Variants in C5orf24 observed in about 807,000 individuals in gnomAD.
The protein encoded by C5orf24 is chromosome 5 open reading frame 24.
In C5orf24, 4 loss-of-function variants were observed where a neutral mutation model predicts 9.8. The observed-to-expected ratio is 0.41, with a 90% confidence interval of 0.20 to 0.93. The LOEUF (loss-of-function observed/expected upper bound fraction) is 0.93. Ranked by LOEUF, C5orf24 falls within the 40% of genes least tolerant of loss-of-function variation. The pLI is 0.33. For synonymous variants in C5orf24, 73 were observed against 81.3 expected (o/e 0.90, Z 0.55); for missense variants, 170 against 236.9 (o/e 0.72, Z 1.85).
At chr5:134,849,576 C>T (rs898155229) in intron 1 of C5orf24, among the ~76,000 whole-genome samples, 5 of 143,088 alleles carry the variant, frequency 3.5e-5, no homozygotes, top group Non-Finnish European at 6.0e-5. Flanking sequence ...GTACTGATTT[C>T]TTGGCAGTAG....
At chr5:134,854,623 T>C (rs1222446824) in intron 1 of C5orf24, among the ~76,000 whole-genome samples, 2 of 152,248 alleles carry the variant, frequency 1.3e-5, no homozygotes, top group Non-Finnish European at 2.9e-5. Flanking sequence ...TTACACACTT[T>C]TCTGGTTCCT....
chr5:134,856,393 C>A lies in C5orf24; in HGVS notation c.*926C>A, dbSNP rs1226338054. 1 of 878,782 alleles carries A rather than the reference C, an allele frequency of 1.1e-6. No individual in the cohort carries two copies. The highest frequency in any genetic ancestry group is 1.4e-6 in the Non-Finnish European group (1 of 719,896). 54.4% of individuals were successfully genotyped at this position (878,782 alleles called of 1,614,324 possible). A position where few individuals can be genotyped will look rare whatever the true frequency, so the allele number is the denominator to read the frequency against. On this transcript the variant is annotated 3_prime_UTR_variant, in exon 2 of 2. Coordinates refer to ENST00000394976, the MANE Select transcript of C5orf24 (RefSeq NM_001135586.1). Reference sequence around the variant, plus strand: ...GCTGGGTGTGGTGGCTCACACCCAGCACTTTGGGAGGCCGAGGCAGGCGGA... The same window carrying A: ...GCTGGGTGTGGTGGCTCACACCCAGAACTTTGGGAGGCCGAGGCAGGCGGA...
upstream of C5orf24, among the ~76,000 whole-genome samples, chr5:134,844,732 T>G (rs950717882): frequency 6.8e-6 from 1 of 146,580 alleles, no homozygotes; most frequent in African/African-American, 2.6e-5. Flanking sequence ...CCAGAGTTTT[T>G]TGTTGTTGTT....
At chr5:134,850,295 T>A (rs981293460) in intron 1 of C5orf24, among the ~76,000 whole-genome samples, 1 of 151,610 alleles carries the variant, frequency 6.6e-6, no homozygotes, top group Non-Finnish European at 1.5e-5. Context: ...ATTACAGGCA[T>A]GTACCACCAC....
At chr5:134,850,184 T>G (rs1374029280) in intron 1 of C5orf24, among the ~76,000 whole-genome samples, 1 of 152,146 alleles carries the variant, frequency 6.6e-6, no homozygotes. Context: ...AGTTTGCTCT[T>G]GTTGCCCAGG....
upstream of C5orf24, among the ~76,000 whole-genome samples, chr5:134,845,264 C>G (rs955718822): frequency 1.3e-5 from 2 of 152,174 alleles, no homozygotes; most frequent in Non-Finnish European, 2.9e-5. Flanking sequence ...TGTCCATCCT[C>G]AAATATCCTT....
At chr5:134,846,733 G>T (rs1289594017) in intron 1 of C5orf24, 1 of 152,170 alleles carries the variant, frequency 6.6e-6, no homozygotes, top group Non-Finnish European at 1.5e-5. Context: ...GCACCGTGGG[G>T]CACAGTTAAG....
intron 1 of C5orf24, 118 bp from the exon 2 acceptor site, chr5:134,854,780 C>A: frequency 1.8e-6 from 2 of 1,110,678 alleles, no homozygotes; most frequent in Non-Finnish European, 2.6e-6. Flanking sequence ...GCCTGTTAGC[C>A]TAATTTTATG....
upstream of C5orf24, among the ~76,000 whole-genome samples, chr5:134,841,017 G>A (rs548688702): frequency 6.6e-6 from 1 of 152,180 alleles, no homozygotes; most frequent in South Asian, 2.1e-4. Flanking sequence ...CACGGCCCCA[G>A]GCAAACAAAA....
Position 134,857,588 on chromosome 5 carries a change from T to G in C5orf24, c.*2121T>G. On this transcript the variant is annotated 3_prime_UTR_variant, in exon 2 of 2. Transcript: ENST00000394976. ...CAGCTAAATTGCTACAAGAGCTTTT[T>G]CTTGCAAAAGCTTAAAATACAAGAT... 1.5e-6 allele frequency: 1 copy of G among 661,712 alleles called. No homozygotes were observed. Among genetic ancestry groups the G allele is most frequent in the African/African-American group, 1.9e-5 (1 of 53,604 alleles). 41.0% of individuals were successfully genotyped at this position (661,712 alleles called of 1,614,324 possible).
At chr5:134,838,601 CA>C in the C5orf24 span, among the ~76,000 whole-genome samples, 2 of 152,042 alleles carry the variant, frequency 1.3e-5, no homozygotes, top group Admixed American at 6.6e-5. Context: ...GAGATCACGC[CA>C]CCACATTCCA....
intron 1 of C5orf24, among the ~76,000 whole-genome samples, chr5:134,847,624 C>T (rs747098380): frequency 2.0e-5 from 3 of 151,976 alleles, no homozygotes; most frequent in Non-Finnish European, 2.9e-5. Context: ...TGATCTTTAA[C>T]CTTTGATAGT....
At chr5:134,837,972 T>TGTG in the C5orf24 span, among the ~76,000 whole-genome samples, 107 of 152,290 alleles carry the variant, frequency 7.0e-4, no homozygotes, top group African/African-American at 2.4e-3. Context: ...TTGGGTTGGG[T>TGTG]GTGGTTGCTC....
chr5:134,834,576 A>T, the C5orf24 span, among the ~76,000 whole-genome samples: 1 of 152,154 alleles, frequency 6.6e-6, no homozygotes, highest in East Asian at 1.9e-4. Flanking sequence ...CTTCAAAGAG[A>T]GCATAAATTC....
At chr5:134,844,957 C>T (rs545572149), upstream of C5orf24, among the ~76,000 whole-genome samples, 54 of 152,194 alleles carry the variant, frequency 3.5e-4, 1 homozygote, top group South Asian at 2.1e-4. Flanking sequence ...AGGCTTGTTT[C>T]GAACTCCTGA....
At position 134,855,492 on chromosome 5, in the gene C5orf24, T is replaced by A; in HGVS notation, c.*25T>A. ...AATGAGGCAGGAAAAGAGGGCCAGG[T>A]TTAGAAGGAAGATTGTGAATAATCC... On this transcript the variant is annotated 3_prime_UTR_variant, in exon 2 of 2. Coordinates refer to ENST00000394976, the MANE Select transcript of C5orf24 (RefSeq NM_001135586.1). The A allele has an allele frequency of 6.2e-7, 1 of 1,611,148 alleles. No homozygotes were observed. Among genetic ancestry groups the A allele is most frequent in the Non-Finnish European group, 8.5e-7 (1 of 1,179,376 alleles).
At chr5:134,838,774 G>A in the C5orf24 span, among the ~76,000 whole-genome samples, 4 of 149,468 alleles carry the variant, frequency 2.7e-5, no homozygotes, top group South Asian at 8.4e-4. Context: ...GCATGACCTC[G>A]TCTCTACAAA....
chr5:134,838,256 G>A, the C5orf24 span, among the ~76,000 whole-genome samples: 185 of 152,256 alleles, frequency 1.2e-3, no homozygotes, highest in Admixed American at 2.3e-3. Context: ...CCTACCTTGG[G>A]CCAGGCTGAA....
chr5:134,838,619 G>A, the C5orf24 span, among the ~76,000 whole-genome samples: 23 of 152,088 alleles, frequency 1.5e-4, no homozygotes, highest in Non-Finnish European at 3.1e-4. Flanking sequence ...TCCAGCCTAA[G>A]TGAAAGAGCA....
Sources: allele counts gnomAD v4.1 joint callset (sites outside exome capture counted in the v4.1 genomes callset), GRCh38; gene constraint gnomAD v4.1.1; transcripts MANE v1.5; gene names NCBI Gene and HGNC (gene_info 2026-07-23, HGNC 2026-07-21).